Variants in CDH13 observed in about 807,000 individuals in gnomAD.
CDH13 encodes the protein cadherin-13.
CDH13 carries 24 observed loss-of-function variants against 63.8 expected under a neutral mutation model. That is an observed-to-expected ratio of 0.38 (90% CI 0.27 to 0.53). CDH13 has a LOEUF of 0.53. Ranked by LOEUF, CDH13 falls within the 20% of genes least tolerant of loss-of-function variation. The pLI, the probability that CDH13 is intolerant of heterozygous loss-of-function variation, is 0.85. For missense variants in CDH13, 1,049 were observed against 903.1 expected, an observed-to-expected ratio of 1.16 and a Z score of -2.07; for synonymous variants, 503 against 355.3, an observed-to-expected ratio of 1.42 and a Z score of -4.67.
At chr16:83,201,986 T>C (rs574090562) in intron 4 of CDH13, among the ~76,000 whole-genome samples, 3 of 152,298 alleles carry the variant, frequency 2.0e-5, no homozygotes, top group South Asian at 4.2e-4. Context: ...GTCACCATGT[T>C]TGAGCCTGCA....
rs745434540 is a variant in CDH13, at chr16:83,344,968, G to A, written c.743G>A (p.Gly248Asp). 6.2e-7 allele frequency: 1 copy of A among 1,613,936 alleles called. No individual in the cohort carries two copies. Among genetic ancestry groups the A allele is most frequent in the Non-Finnish European group, 8.5e-7 (1 of 1,179,846 alleles). Reference sequence around the variant, plus strand: ...GACAACCGACCGATCTTTCGGGAAGGCCCCTACATCGGCCACGTCATGGAA... The same window carrying A: ...GACAACCGACCGATCTTTCGGGAAGACCCCTACATCGGCCACGTCATGGAA... ...QNDNRPIFRE[G>D]PYIGHVMEGS... Residue 248 changes from glycine (G) to aspartate (D), a missense_variant, in exon 6 of 14, where the codon GGC becomes GAC. By Grantham distance (94) the Gly-to-Asp change is moderately conservative. Coordinates refer to ENST00000567109, the MANE Select transcript of CDH13 (RefSeq NM_001257.5).
At chr16:83,034,911 C>G (rs947595231) in intron 3 of CDH13, among the ~76,000 whole-genome samples, 10 of 152,036 alleles carry the variant, frequency 6.6e-5, no homozygotes, top group African/African-American at 2.4e-4. Context: ...GCATTTTCGA[C>G]AAAACTTGCC....
chr16:83,187,069 C>G (rs1046081103), intron 4 of CDH13, among the ~76,000 whole-genome samples: 6 of 152,106 alleles, frequency 3.9e-5, no homozygotes, highest in Non-Finnish European at 7.3e-5. Context: ...CTCCCGAGTT[C>G]AAGTGATCCT....
At chr16:83,454,435 T>G (rs1334858193) in intron 6 of CDH13, among the ~76,000 whole-genome samples, 1 of 152,244 alleles carries the variant, frequency 6.6e-6, no homozygotes, top group Non-Finnish European at 1.5e-5. Context: ...CCCTCTGACT[T>G]TGCTACTTTG....
At chr16:83,225,087 C>A (rs1451620509) in intron 5 of CDH13, among the ~76,000 whole-genome samples, 1 of 152,158 alleles carries the variant, frequency 6.6e-6, no homozygotes, top group Non-Finnish European at 1.5e-5. Flanking sequence ...CCCAGGCCTG[C>A]TGGATCAGAA....
chr16:83,337,007 G>A (rs775238345), intron 5 of CDH13, among the ~76,000 whole-genome samples: 4 of 152,160 alleles, frequency 2.6e-5, no homozygotes, highest in Non-Finnish European at 4.4e-5. Context: ...AAGATGAGAG[G>A]ATGACTCAAA....
chr16:83,315,777 A>G (rs910960510), intron 5 of CDH13, among the ~76,000 whole-genome samples: 18 of 152,144 alleles, frequency 1.2e-4, no homozygotes, highest in African/African-American at 3.6e-4. Context: ...TATCTAAATT[A>G]TTAGTGTGCT....
intron 10 of CDH13, among the ~76,000 whole-genome samples, chr16:83,693,309 A>C (rs1905078843): frequency 6.6e-6 from 1 of 152,188 alleles, no homozygotes; most frequent in Non-Finnish European, 1.5e-5. Flanking sequence ...AATTCAGGGA[A>C]AGTGTTTAGA....
intron 5 of CDH13, among the ~76,000 whole-genome samples, chr16:83,277,736 C>T (rs1305175254): frequency 6.6e-6 from 1 of 152,028 alleles, no homozygotes; most frequent in African/African-American, 2.4e-5. Flanking sequence ...GCCACTCTTT[C>T]TACTATATTT....
chr16:83,723,641 G>T (rs1598587432), intron 10 of CDH13, among the ~76,000 whole-genome samples: 1 of 152,160 alleles, frequency 6.6e-6, no homozygotes, highest in Non-Finnish European at 1.5e-5. Context: ...GTTGCCCAAT[G>T]GGACGGCTTT....
At chr16:82,803,585 A>G (rs1000260178) in intron 1 of CDH13, among the ~76,000 whole-genome samples, 3 of 152,208 alleles carry the variant, frequency 2.0e-5, no homozygotes, top group Non-Finnish European at 4.4e-5. Context: ...GTGCTATAGG[A>G]TGAAAAGAAG....
At chr16:83,671,781 A>G (rs1440492989) in intron 9 of CDH13, among the ~76,000 whole-genome samples, 1 of 152,192 alleles carries the variant, frequency 6.6e-6, no homozygotes, top group Admixed American at 6.5e-5. Context: ...GACCCTCTCT[A>G]TGGCAACAAG....
intron 7 of CDH13, among the ~76,000 whole-genome samples, chr16:83,538,013 A>C (rs1446389176): frequency 6.6e-6 from 1 of 152,198 alleles, no homozygotes; most frequent in Non-Finnish European, 1.5e-5. Context: ...TGCTATAAAA[A>C]TATGTCCTCT....
chr16:83,720,369 GC>G (rs779977079), intron 10 of CDH13, among the ~76,000 whole-genome samples: 2 of 152,066 alleles, frequency 1.3e-5, no homozygotes, highest in Non-Finnish European at 2.9e-5. Flanking sequence ...TCTCCAGTAA[GC>G]TTTTTGGAGT....
At chr16:82,905,623 G>A (rs1379015368) in intron 2 of CDH13, among the ~76,000 whole-genome samples, 2 of 152,114 alleles carry the variant, frequency 1.3e-5, no homozygotes, top group Non-Finnish European at 2.9e-5. Flanking sequence ...AGTCACACAA[G>A]TAAGTTTAAA....
intron 6 of CDH13, among the ~76,000 whole-genome samples, chr16:83,450,313 A>G (rs2072850537): frequency 2.0e-5 from 3 of 152,110 alleles, no homozygotes; most frequent in South Asian, 2.1e-4. Context: ...AGCTTGTTCT[A>G]TGAATTTGAA....
At chr16:83,740,040 A>C (rs1911915690) in intron 10 of CDH13, 1 of 152,194 alleles carries the variant, frequency 6.6e-6, no homozygotes, top group South Asian at 2.1e-4. Context: ...CACAAGACAC[A>C]CATGAGAAAA....
chr16:83,705,600 G>C (rs1183476004), intron 10 of CDH13, among the ~76,000 whole-genome samples: 6 of 152,150 alleles, frequency 3.9e-5, no homozygotes, highest in Admixed American at 3.9e-4. Flanking sequence ...CCAGCGTGGG[G>C]GCCAGAGGGA....
intron 1 of CDH13, among the ~76,000 whole-genome samples, chr16:82,774,994 A>G (rs1170237456): frequency 6.6e-6 from 1 of 152,184 alleles, no homozygotes; most frequent in Non-Finnish European, 1.5e-5. Flanking sequence ...CAGGAGCAAG[A>G]TTGGGTTGCA....
Sources: allele counts gnomAD v4.1 joint callset (sites outside exome capture counted in the v4.1 genomes callset), GRCh38; gene constraint gnomAD v4.1.1; transcripts MANE v1.5; gene names NCBI Gene and HGNC (gene_info 2026-07-23, HGNC 2026-07-21).